JCAD: variants seen among roughly 807,000 people sequenced by gnomAD.
JCAD encodes junctional cadherin 5 associated.
A neutral mutation model predicts 98.0 loss-of-function variants in JCAD; 40 were observed. The observed-to-expected ratio is 0.41, with a 90% CI of 0.32 to 0.53. The LOEUF (loss-of-function observed/expected upper bound fraction) is 0.53, where lower values mean the gene tolerates loss of function less well. Ranked by LOEUF, JCAD falls within the 20% of genes least tolerant of loss-of-function variation. The pLI is 0.31. For missense variants in JCAD, 1,705 were observed against 1,738.1 expected (o/e 0.98, Z 0.34); for synonymous variants, 691 against 682.3 (o/e 1.01, Z -0.20).
At chr10:30,061,029 C>T (rs549954391), upstream of JCAD, among the ~76,000 whole-genome samples, 55 of 152,208 alleles carry the variant, frequency 3.6e-4, no homozygotes, top group African/African-American at 1.1e-3. Context: ...CAGATGGTGG[C>T]GATAGGAGCA....
chr10:30,061,241 G>A (rs146302650), upstream of JCAD, among the ~76,000 whole-genome samples: 2 of 152,268 alleles, frequency 1.3e-5, no homozygotes, highest in African/African-American at 4.8e-5. Context: ...TCAGGTACAT[G>A]TAATAGTCAA....
In JCAD at chr10:30,015,863, C is replaced by T. The variant is rs893632184; in HGVS notation, c.*2020G>A. ...TTGCATTTAAAGAGGGAAGACCCCA[C>T]AAAGACCTCCAGGCGCCTCAGCCCT... On this transcript the variant is annotated 3_prime_UTR_variant, in exon 4 of 4. Coordinates refer to ENST00000375377, the MANE Select transcript of JCAD (RefSeq NM_020848.4). 2.6e-5 allele frequency: 4 copies of T among 152,180 alleles called. 1 individual carries two copies. The South Asian group carries it at 8.3e-4, about 32-fold the overall frequency. The allele number at this position is 152,180 out of a possible 1,614,324, so 9.4% of individuals were successfully genotyped here.
At chr10:30,063,797 T>C (rs1352549059), upstream of JCAD, among the ~76,000 whole-genome samples, 1 of 151,904 alleles carries the variant, frequency 6.6e-6, no homozygotes, top group East Asian at 1.9e-4. Context: ...AATGTGGCAG[T>C]GTTGAGAGAT....
intron 3 of JCAD, among the ~76,000 whole-genome samples, chr10:30,023,637 C>G (rs1180921281): frequency 1.3e-5 from 2 of 152,214 alleles, no homozygotes; most frequent in Admixed American, 1.3e-4. Flanking sequence ...TGGCTCTCTG[C>G]CTGCAGATTT....
chr10:30,027,523 T>C lies in JCAD; in HGVS notation c.2625A>G (p.Arg875=). The change falls in exon 3 of 4, where the codon AGA becomes AGG. Residue 875 remains arginine (R), a synonymous_variant. Coordinates refer to ENST00000375377, the MANE Select transcript of JCAD (RefSeq NM_020848.4). ...TTCCGCGGAAGCCCACATCCTCCTG[T>C]CTGCAGTGAGCACGGTTCTCCTGCT... ...EPQQENRAHC[R]QEDVGFRGNS... 1.2e-6 allele frequency: 2 copies of C among 1,612,476 alleles called. No individual in the cohort carries two copies. Among genetic ancestry groups the C allele is most frequent in the South Asian group, 1.1e-5 (1 of 91,076 alleles).
rs1454084089 is a variant in JCAD at position 30,092,117 on chromosome 10, TATATATATAA to T, written n.129-22306_129-22297del. ...GTTACTTTATATATATATATATATA[TATATATATAA>T]AAAACATTTTAACTCTTTGCAAGAA... On this transcript the variant is annotated intron_variant and non_coding_transcript_variant, in intron 1 of 2. Transcript: ENST00000465712. 1.4e-4 allele frequency among the ~76,000 whole-genome samples: 16 copies of T among 110,922 alleles called. 1 individual carries two copies. The highest frequency in any genetic ancestry group is 2.9e-4 in the African/African-American group (7 of 24,058). 72.8% of individuals were successfully genotyped at this position (110,922 alleles called of 152,430 possible).
At chr10:30,024,688 ATTTT>A (rs35394945) in intron 3 of JCAD, among the ~76,000 whole-genome samples, 10 of 100,686 alleles carry the variant, frequency 9.9e-5, no homozygotes, top group African/African-American at 4.6e-4. Flanking sequence ...GCCCATGTAC[ATTTT>A]TTTTTTTTTT....
chr10:30,098,381 A>G (rs1351723449), intron 1 of JCAD, among the ~76,000 whole-genome samples: 1 of 152,060 alleles, frequency 6.6e-6, no homozygotes, highest in Non-Finnish European at 1.5e-5. Context: ...GTTCCTTGGA[A>G]GGCCCCCTGA....
Position 30,082,545 on chromosome 10 carries a change from A to T in JCAD, n.129-12724T>A, listed in dbSNP as rs535631024. Among the ~76,000 whole-genome samples, 170 of 152,032 alleles carry T rather than the reference A, an allele frequency of 1.1e-3. 2 individuals carry two copies. The highest frequency in any genetic ancestry group is 2.8e-3 in the Admixed American group (42 of 15,220). ...CATCCTGGCCAACATGGTGAAACCC[A>T]TCTCTACTAAACATAAAAAAATTAG... On this transcript the variant is annotated intron_variant and non_coding_transcript_variant, in intron 1 of 2. Coordinates refer to the JCAD transcript ENST00000465712.
chr10:30,100,349 T>C (rs1233206097), intron 1 of JCAD, among the ~76,000 whole-genome samples: 3 of 152,202 alleles, frequency 2.0e-5, no homozygotes, highest in Admixed American at 6.6e-5. Context: ...TGAATTATTC[T>C]TTTTGTTGTT....
rs554105637 is a variant in JCAD at position 30,028,068 on chromosome 10, T to C, written c.2080A>G (p.Ser694Gly). 2.2e-4 allele frequency: 358 copies of C among 1,614,202 alleles called. 2 individuals are homozygous for C. In the South Asian group the frequency reaches 3.7e-3, roughly 17 times the overall value. The change falls in exon 3 of 4, where the codon AGT (serine) becomes GGT (glycine). Residue 694 changes from serine (S) to glycine (G), a missense_variant. Physicochemically the swap from Ser to Gly is moderately conservative, Grantham distance 56. Coordinates refer to ENST00000375377, the MANE Select transcript of JCAD (RefSeq NM_020848.4). ...HRYRDQQTQT[S>G]FSEEPQSSQL... ...GAACTTTGGGGCTCCTCGGAGAAACTGGTTTGTGTTTGCTGATCTCTGTAC... is the reference window on the plus strand; with the variant it reads ...GAACTTTGGGGCTCCTCGGAGAAACCGGTTTGTGTTTGCTGATCTCTGTAC...
At chr10:30,065,409 GA>G (rs1265780471) in intron 2 of JCAD, among the ~76,000 whole-genome samples, 3 of 151,590 alleles carry the variant, frequency 2.0e-5, no homozygotes, top group Non-Finnish European at 4.4e-5. Context: ...CTGCCAAATT[GA>G]AAAAAATCTA....
intron 1 of JCAD, among the ~76,000 whole-genome samples, chr10:30,094,107 C>A (rs1427075497): frequency 6.6e-6 from 1 of 152,096 alleles, no homozygotes; most frequent in Non-Finnish European, 1.5e-5. Context: ...AGGAACTTGC[C>A]TCCCTGCATT....
chr10:30,068,186 C>T (rs957731445), intron 2 of JCAD, among the ~76,000 whole-genome samples: 2 of 151,838 alleles, frequency 1.3e-5, no homozygotes, highest in African/African-American at 2.4e-5. Flanking sequence ...GTCAGGAGTT[C>T]GAGACCAGCC....
intron 1 of JCAD, among the ~76,000 whole-genome samples, chr10:30,076,893 T>C (rs1399004281): frequency 1.3e-5 from 2 of 152,010 alleles, no homozygotes; most frequent in African/African-American, 4.8e-5. Context: ...GCCGAATCGC[T>C]CAGGCCCACG....
rs777819464 is a variant in JCAD, at chr10:30,028,711, G to A, written c.1437C>T (p.Ser479=). The part of the protein sequence containing the change: ...QPDGAIWNPQ[S]LIPPSGDERG... ...TCTCATCCCCCGACGGGGGTATTAA[G>A]CTCTGTGGATTCCAAATGGCACCAT... Residue 479 remains serine (S), a synonymous_variant, in exon 3 of 4, where the codon AGC becomes AGT. Transcript: ENST00000375377. 3.1e-6 allele frequency: 5 copies of A among 1,613,494 alleles called. No homozygotes were observed. Among genetic ancestry groups the A allele is most frequent in the Non-Finnish European group, 4.2e-6 (5 of 1,179,632 alleles).
chr10:30,046,757 T>G (rs1270771675), intron 2 of JCAD, among the ~76,000 whole-genome samples: 2 of 152,212 alleles, frequency 1.3e-5, no homozygotes, highest in African/African-American at 4.8e-5. Context: ...CCAAGCCCTG[T>G]GCTAAGTGCT....
intron 1 of JCAD, among the ~76,000 whole-genome samples, chr10:30,100,851 T>G (rs1838459808): frequency 6.6e-6 from 1 of 152,116 alleles, no homozygotes; most frequent in Admixed American, 6.5e-5. Flanking sequence ...TTATACATAT[T>G]AGGGAGACAT....
chr10:30,090,827 C>T (rs961054632), intron 1 of JCAD, among the ~76,000 whole-genome samples: 4 of 152,276 alleles, frequency 2.6e-5, no homozygotes, highest in Middle Eastern at 3.4e-3. Flanking sequence ...AATTCACATG[C>T]TATTGATAAA....
Sources: allele counts gnomAD v4.1 joint callset (sites outside exome capture counted in the v4.1 genomes callset), GRCh38; gene constraint gnomAD v4.1.1; transcripts MANE v1.5; gene names NCBI Gene and HGNC (gene_info 2026-07-23, HGNC 2026-07-21).